Variants in ULK4 observed in about 807,000 individuals in gnomAD.
ULK4 encodes unc-51 like kinase 4.
A neutral mutation model predicts 160.6 loss-of-function variants in ULK4; 133 were observed. The observed-to-expected ratio is 0.83, with a 90% CI of 0.72 to 0.96. The LOEUF (loss-of-function observed/expected upper bound fraction) is 0.96. ULK4 is among the 40% of genes least tolerant of loss of function. ULK4 has a pLI of 0.00. For missense variants in ULK4, 1,580 were observed against 1,499.5 expected (o/e 1.05, Z -0.89); for synonymous variants, 534 against 539.8 (o/e 0.99, Z 0.15).
chr3:41,752,514 G>A (rs1286734120), intron 22 of ULK4, among the ~76,000 whole-genome samples: 1 of 152,044 alleles, frequency 6.6e-6, no homozygotes, highest in African/African-American at 2.4e-5. Flanking sequence ...AAGGAGGTTT[G>A]TTAGGAAATT....
chr3:41,353,183 T>A (rs2125763617), intron 35 of ULK4, among the ~76,000 whole-genome samples: 1 of 152,336 alleles, frequency 6.6e-6, no homozygotes, highest in East Asian at 1.9e-4. Context: ...TCTCCCCATC[T>A]TAGAACCCTC....
rs553705772 is a variant in ULK4, at chr3:41,475,626, A to T, written c.3227-12373T>A. On this transcript the variant is annotated intron_variant, in intron 32 of 36. Transcript: ENST00000301831. ...AACTATAATTTGTCAGTTACAATTT[A>T]AAAAATAAAAATTAAAAAAAGAACG... Among the ~76,000 whole-genome samples, 6 of 152,312 alleles carry T rather than the reference A, an allele frequency of 3.9e-5. No homozygotes were observed. The South Asian group carries it at 6.2e-4, about 16-fold the overall frequency.
At chr3:41,688,827 C>T (rs559486482) in intron 27 of ULK4, among the ~76,000 whole-genome samples, 17 of 152,182 alleles carry the variant, frequency 1.1e-4, no homozygotes, top group Non-Finnish European at 2.1e-4. Flanking sequence ...CTCCTAACTG[C>T]TATTTGCTTC....
intron 35 of ULK4, among the ~76,000 whole-genome samples, chr3:41,275,187 G>A (rs2079208605): frequency 3.3e-5 from 5 of 152,218 alleles, no homozygotes. Context: ...ACAAAGCAGA[G>A]TTACTCATGT....
rs200463650 is a variant in ULK4, at chr3:41,717,770, G to A, written c.2413C>T (p.Leu805Phe). The change falls in exon 23 of 37, where the codon CTT (leucine) becomes TTT (phenylalanine). Residue 805 changes from leucine (L) to phenylalanine (F), a missense_variant. By Grantham distance (22) the Leu-to-Phe change is conservative. Coordinates refer to ENST00000301831, the MANE Select transcript of ULK4 (RefSeq NM_017886.4). ...TCCTGCACAATGTGACAGATGAGAAGATCCAGGCATTTGGACAGGTATTCA... is the reference window on the plus strand; with the variant it reads ...TCCTGCACAATGTGACAGATGAGAAAATCCAGGCATTTGGACAGGTATTCA... The part of the protein sequence containing the change: ...GNEYLSKCLD[L>F]LICHIVQELP... 336 of 1,614,028 alleles carry A rather than the reference G, an allele frequency of 2.1e-4. 2 individuals are homozygous for A. Among genetic ancestry groups the A allele is most frequent in the Non-Finnish European group, 2.7e-4 (320 of 1,180,012 alleles).
Position 41,484,562 on chromosome 3 carries a change from A to C in ULK4, c.3227-21309T>G, listed in dbSNP as rs542533644. Among the ~76,000 whole-genome samples, 1,156 of 151,218 alleles carry C rather than the reference A, an allele frequency of 7.6e-3. 4 individuals carry two copies. The highest frequency in any genetic ancestry group is 0.012 in the Non-Finnish European group (786 of 67,784). On this transcript the variant is annotated intron_variant, in intron 32 of 36. Transcript: ENST00000301831. ...CCGCCTCCCGGGTTCACGCCATTCT[A>C]CTGCCTCAGCCTCCGGAGTAGCTGG...
rs1405717903 is a variant in ULK4 at position 41,919,606 on chromosome 3, T to C, written c.643+111A>G. 10 of 900,094 alleles carry C rather than the reference T, an allele frequency of 1.1e-5. No homozygotes were observed. The East Asian group carries it at 2.5e-4, about 22-fold the overall frequency. The allele number at this position is 900,094 out of a possible 1,614,324, so 55.8% of individuals were successfully genotyped here. A position where few individuals can be genotyped will look rare whatever the true frequency, so the allele number is the denominator to read the frequency against. On this transcript the variant is annotated intron_variant, in intron 6 of 36. Coordinates refer to ENST00000301831, the MANE Select transcript of ULK4 (RefSeq NM_017886.4). ...GACAGTACGAGACTCTGTCTCAAAA[T>C]AAAAAAAAATCTAGTTTTTTCACAT...
intron 32 of ULK4, among the ~76,000 whole-genome samples, chr3:41,484,918 T>C (rs904658093): frequency 1.3e-5 from 2 of 152,214 alleles, no homozygotes; most frequent in Non-Finnish European, 2.9e-5. Flanking sequence ...ATTATTTCCA[T>C]AAATTTTCAA....
chr3:41,803,255 G>A (rs1323896532), intron 19 of ULK4, among the ~76,000 whole-genome samples: 1 of 150,500 alleles, frequency 6.6e-6, no homozygotes, highest in Non-Finnish European at 1.5e-5. Flanking sequence ...TAACTCACTT[G>A]GACATTTATA....
At chr3:41,575,794 T>C (rs1356575537) in intron 31 of ULK4, among the ~76,000 whole-genome samples, 1 of 152,266 alleles carries the variant, frequency 6.6e-6, no homozygotes, top group African/African-American at 2.4e-5. Context: ...AATGCCCTTC[T>C]GGCAGGTTAA....
At chr3:41,678,479 C>A (rs2035810204) in intron 29 of ULK4, among the ~76,000 whole-genome samples, 1 of 152,080 alleles carries the variant, frequency 6.6e-6, no homozygotes, top group South Asian at 2.1e-4. Flanking sequence ...AGAATAGGAG[C>A]CTATCTGAGA....
intron 32 of ULK4, among the ~76,000 whole-genome samples, chr3:41,477,503 G>C (rs1022713084): frequency 6.6e-6 from 1 of 152,102 alleles, no homozygotes; most frequent in Non-Finnish European, 1.5e-5. Flanking sequence ...ACTTACACTA[G>C]GGTTTGTTAA....
At chr3:41,348,653 TAA>T (rs1236542559) in intron 35 of ULK4, among the ~76,000 whole-genome samples, 3 of 151,418 alleles carry the variant, frequency 2.0e-5, no homozygotes, top group Non-Finnish European at 4.4e-5. Flanking sequence ...AAAACGCGAG[TAA>T]ATGTAAGACT....
chr3:41,803,967 G>C (rs941693423), intron 19 of ULK4, among the ~76,000 whole-genome samples: 1 of 152,138 alleles, frequency 6.6e-6, no homozygotes, highest in African/African-American at 2.4e-5. Context: ...TGTCTTTATA[G>C]CAGCATGATT....
rs1376669807 is a variant in ULK4 at position 41,726,070 on chromosome 3, A to G, written c.2322-8209T>C. 2.0e-5 allele frequency among the ~76,000 whole-genome samples: 3 copies of G among 152,216 alleles called. No homozygotes were observed. In the East Asian group the frequency reaches 5.8e-4, roughly 29 times the overall value. ...CAGAGTATAAAAAAAGCAAATTCAC[A>G]CTTGTCTATAAGGAATAAATTTTTC... is the stretch of plus-strand genomic sequence containing the variant. On this transcript the variant is annotated intron_variant, in intron 22 of 36. Transcript: ENST00000301831.
chr3:41,510,578 A>G (rs1290197253), intron 32 of ULK4, among the ~76,000 whole-genome samples: 9 of 152,232 alleles, frequency 5.9e-5, no homozygotes, highest in African/African-American at 2.2e-4. Context: ...GCCATATGAT[A>G]AAGCACAAAA....
chr3:41,820,645 G>A (rs1305989486), intron 18 of ULK4, among the ~76,000 whole-genome samples: 1 of 152,088 alleles, frequency 6.6e-6, no homozygotes, highest in Non-Finnish European at 1.5e-5. Context: ...GGTGGGACAG[G>A]AGTAAGGGCT....
At chr3:41,619,370 T>C (rs2033134424) in intron 30 of ULK4, among the ~76,000 whole-genome samples, 1 of 152,104 alleles carries the variant, frequency 6.6e-6, no homozygotes, top group African/African-American at 2.4e-5. Flanking sequence ...ACCACATAAT[T>C]AGAAGTAAAC....
intron 35 of ULK4, among the ~76,000 whole-genome samples, chr3:41,322,942 ATT>A (rs879751639): frequency 6.9e-6 from 1 of 144,996 alleles, no homozygotes; most frequent in South Asian, 2.2e-4. Flanking sequence ...TGTGTGTACC[ATT>A]TTTTTTTTTT....
Sources: allele counts gnomAD v4.1 joint callset (sites outside exome capture counted in the v4.1 genomes callset), GRCh38; gene constraint gnomAD v4.1.1; transcripts MANE v1.5; gene names NCBI Gene and HGNC (gene_info 2026-07-23, HGNC 2026-07-21).